KCNH1: variants seen among roughly 807,000 people sequenced by gnomAD.
KCNH1 encodes voltage-gated delayed rectifier potassium channel KCNH1.
A neutral mutation model predicts 69.2 loss-of-function variants in KCNH1; 27 were observed. The ratio of observed to expected loss-of-function variants is 0.39; its 90% confidence interval spans 0.29 to 0.54. The LOEUF is 0.54. KCNH1 is among the 20% of genes least tolerant of loss of function. The pLI, the probability that KCNH1 is intolerant of heterozygous loss-of-function variation, is 0.68. For synonymous variants in KCNH1, 456 were observed against 487.7 expected (o/e 0.93, Z 0.86); for missense variants, 798 against 1,261.6 (o/e 0.63, Z 5.57).
chr1:211,062,852 T>C (rs1181880320), intron 5 of KCNH1, among the ~76,000 whole-genome samples: 1 of 151,966 alleles, frequency 6.6e-6, no homozygotes, highest in East Asian at 1.9e-4. Context: ...TCATAAACTC[T>C]TGTTAGAAAT....
At chr1:210,770,251 T>G (rs1435660466) in intron 10 of KCNH1, among the ~76,000 whole-genome samples, 1 of 152,108 alleles carries the variant, frequency 6.6e-6, no homozygotes, top group East Asian at 1.9e-4. Flanking sequence ...AAAAACCTAA[T>G]GCACATGGGA....
intron 10 of KCNH1, among the ~76,000 whole-genome samples, chr1:210,738,378 T>C (rs1167405694): frequency 3.3e-5 from 5 of 152,138 alleles, no homozygotes; most frequent in African/African-American, 1.2e-4. Flanking sequence ...TTGCATGTTT[T>C]GTGAACAAAT....
At chr1:210,873,810 A>G (rs1420288804) in intron 7 of KCNH1, among the ~76,000 whole-genome samples, 1 of 152,258 alleles carries the variant, frequency 6.6e-6, no homozygotes, top group African/African-American at 2.4e-5. Flanking sequence ...AGACTTAAAG[A>G]ATTTCAAAAA....
intron 10 of KCNH1, among the ~76,000 whole-genome samples, chr1:210,774,538 G>A (rs1683823729): frequency 6.6e-6 from 1 of 152,122 alleles, no homozygotes; most frequent in Non-Finnish European, 1.5e-5. Context: ...TGAGCAGGTT[G>A]GGAGAAAGAT....
intron 5 of KCNH1, among the ~76,000 whole-genome samples, chr1:211,025,639 CT>C (rs911056499): frequency 6.6e-5 from 10 of 151,988 alleles, no homozygotes; most frequent in Admixed American, 3.3e-4. Context: ...CCCTCATGGC[CT>C]TTGGAACACC....
intron 7 of KCNH1, among the ~76,000 whole-genome samples, chr1:210,853,538 C>T (rs1685756488): frequency 6.6e-6 from 1 of 152,174 alleles, no homozygotes; most frequent in Non-Finnish European, 1.5e-5. Flanking sequence ...GGACCCAGGG[C>T]TCCTGGTGGG....
intron 7 of KCNH1, among the ~76,000 whole-genome samples, chr1:210,854,497 T>C (rs1370154170): frequency 6.6e-6 from 1 of 152,198 alleles, no homozygotes; most frequent in Non-Finnish European, 1.5e-5. Flanking sequence ...CTTTTACCCA[T>C]GGCAGCTTTG....
chr1:210,734,269 A>G (rs535750463), intron 10 of KCNH1, among the ~76,000 whole-genome samples: 9 of 152,124 alleles, frequency 5.9e-5, no homozygotes, highest in Non-Finnish European at 1.2e-4. Context: ...AGGACTCCCC[A>G]TTTCCCTCAA....
At chr1:210,758,678 A>G (rs1275390773) in intron 10 of KCNH1, among the ~76,000 whole-genome samples, 1 of 152,204 alleles carries the variant, frequency 6.6e-6, no homozygotes, top group African/African-American at 2.4e-5. Flanking sequence ...CTGGAAATGG[A>G]CCTGGAGAGG....
At chr1:210,949,127 T>C (rs6678568) in intron 6 of KCNH1, among the ~76,000 whole-genome samples, 23,176 of 152,096 alleles carry the variant, frequency 0.15, 2,079 homozygotes, top group East Asian at 0.38. Context: ...AATGCTGTTA[T>C]AGCCTTTTAT....
chr1:210,699,906 C>T (rs1681732909), intron 10 of KCNH1, among the ~76,000 whole-genome samples: 1 of 152,140 alleles, frequency 6.6e-6, no homozygotes, highest in South Asian at 2.1e-4. Flanking sequence ...CCCACAAACC[C>T]AAGGTTATTT....
intron 6 of KCNH1, among the ~76,000 whole-genome samples, chr1:210,996,441 C>T (rs1689040077): frequency 6.6e-6 from 1 of 152,190 alleles, no homozygotes; most frequent in East Asian, 1.9e-4. Context: ...GGGGGAGGGG[C>T]GCCTGCCATT....
At position 210,806,818 on chromosome 1, in the gene KCNH1, A is replaced by T. The variant is rs1309578058; in HGVS notation, c.1463-2652T>A. ...AACCCCATCTCTACCAAAAAAAAAA[A>T]AAAAAAAAAAAAAAAAAAATATATA... On this transcript the variant is annotated intron_variant, in intron 7 of 10. Transcript: ENST00000271751. 5.3e-3 allele frequency among the ~76,000 whole-genome samples: 96 copies of T among 18,114 alleles called. 6 individuals are homozygous for T. Among genetic ancestry groups the T allele is most frequent in the South Asian group, 0.012 (3 of 246 alleles). 11.9% of individuals were successfully genotyped at this position (18,114 alleles called of 152,430 possible).
In KCNH1 at chr1:210,722,687, A is replaced by G. The variant is rs1285565542; in HGVS notation, c.2113-38549T>C. ...CTCCTGGGGATTTGATTTAACCTCT[A>G]TCCCCTAGCTTGGCACAGTGTATGG... On this transcript the variant is annotated intron_variant, in intron 10 of 10. Transcript: ENST00000271751. Among the ~76,000 whole-genome samples, 51 of 152,254 alleles carry G rather than the reference A, an allele frequency of 3.3e-4. 1 individual carries two copies. Among genetic ancestry groups the G allele is most frequent in the Non-Finnish European group, 1.2e-4 (8 of 68,014 alleles).
intron 1 of KCNH1, among the ~76,000 whole-genome samples, chr1:211,131,067 A>T (rs1004957065): frequency 6.6e-6 from 1 of 152,172 alleles, no homozygotes; most frequent in African/African-American, 2.4e-5. Context: ...AAAGAATCTG[A>T]CATTGGACTC....
chr1:210,909,090 A>C (rs1687174339), intron 7 of KCNH1, among the ~76,000 whole-genome samples: 1 of 152,254 alleles, frequency 6.6e-6, no homozygotes, highest in South Asian at 2.1e-4. Context: ...AAAGAGGGTC[A>C]CAATGGGGAA....
intron 7 of KCNH1, among the ~76,000 whole-genome samples, chr1:210,831,542 C>T (rs1274303430): frequency 1.3e-5 from 2 of 152,130 alleles, no homozygotes; most frequent in Non-Finnish European, 2.9e-5. Context: ...GAATAGATGC[C>T]TCAGTAGGCC....
chr1:210,968,576 G>A (rs1688453303), intron 6 of KCNH1, among the ~76,000 whole-genome samples: 2 of 150,830 alleles, frequency 1.3e-5, no homozygotes, highest in African/African-American at 4.9e-5. Flanking sequence ...GATGTGAGAT[G>A]GTATCTCATT....
At chr1:210,812,415 C>T (rs1410607784) in intron 7 of KCNH1, among the ~76,000 whole-genome samples, 1 of 152,146 alleles carries the variant, frequency 6.6e-6, no homozygotes, top group African/African-American at 2.4e-5. Context: ...AAGCAGAAGC[C>T]CTTTCCAATC....
Sources: allele counts gnomAD v4.1 joint callset (sites outside exome capture counted in the v4.1 genomes callset), GRCh38; gene constraint gnomAD v4.1.1; transcripts MANE v1.5; gene names NCBI Gene and HGNC (gene_info 2026-07-23, HGNC 2026-07-21).